ZNF248: variants seen among roughly 807,000 people sequenced by gnomAD.
ZNF248 encodes the protein KRAB protein domain.
In ZNF248, 20 loss-of-function variants were observed where a neutral mutation model predicts 44.3. That is an observed-to-expected ratio of 0.45 (90% confidence interval 0.32 to 0.66). The LOEUF (loss-of-function observed/expected upper bound fraction) is 0.66, where lower values mean the gene tolerates loss of function less well. Among genes scored for constraint, ZNF248 ranks in the 30% least tolerant of loss-of-function variants. ZNF248 has a pLI of 0.04. For missense variants in ZNF248, 654 were observed against 677.0 expected (o/e 0.97, Z 0.38); for synonymous variants, 224 against 229.0 (o/e 0.98, Z 0.20).
At chr10:37,783,845 T>A (rs1319747803) in intron 6 of ZNF248, 1 of 152,206 alleles carries the variant, frequency 6.6e-6, no homozygotes, top group Non-Finnish European at 1.5e-5. Flanking sequence ...GACAGAGTTT[T>A]CCTCTTGTTG....
chr10:37,830,070 CTAA>C lies in ZNF248; in HGVS notation c.*1542_*1544del. The C allele has an allele frequency of 1.0e-6, 1 of 985,426 alleles. No homozygotes were observed. The highest frequency in any genetic ancestry group is 1.2e-6 in the Non-Finnish European group (1 of 829,944). The allele number at this position is 985,426 out of a possible 1,614,324, so 61.0% of individuals were successfully genotyped here. A position where few individuals can be genotyped will look rare whatever the true frequency, so the allele number is the denominator to read the frequency against. On this transcript the variant is annotated 3_prime_UTR_variant, in exon 6 of 6. Transcript: ENST00000395867. ...AGGGAGGCAGAGATACTCTAAAATA[CTAA>C]TACGCAGAACTAGTGTTACATAGAC...
At chr10:37,840,173 CAGAG>C (rs1480352098) in intron 3 of ZNF248, among the ~76,000 whole-genome samples, 1 of 152,132 alleles carries the variant, frequency 6.6e-6, no homozygotes, top group South Asian at 2.1e-4. Context: ...CAGTAGTTCA[CAGAG>C]AGAAATTTAT....
chr10:37,856,855 A>G (rs1230978304), intron 1 of ZNF248: 1 of 312,462 alleles, frequency 3.2e-6, no homozygotes, highest in African/African-American at 2.3e-5. Flanking sequence ...GGGAAACTGC[A>G]GACTTGACTT....
At position 37,831,520 on chromosome 10, in the gene ZNF248, AT is replaced by A; in HGVS notation, c.*94del. ...CTTTTACATATTCAAACAAGAAGTC[AT>A]TTTCTACAAATTTCTGACATTCTTT... On this transcript the variant is annotated 3_prime_UTR_variant, in exon 6 of 6. Transcript: ENST00000395867. 1.3e-6 allele frequency: 2 copies of A among 1,494,492 alleles called. No homozygotes were observed. The highest frequency in any genetic ancestry group is 1.8e-6 in the Non-Finnish European group (2 of 1,124,214). 92.6% of individuals were successfully genotyped at this position (1,494,492 alleles called of 1,614,324 possible). A position where few individuals can be genotyped will look rare whatever the true frequency, so the allele number is the denominator to read the frequency against.
chr10:37,764,503 C>T, the ZNF248 span, among the ~76,000 whole-genome samples: 1 of 152,110 alleles, frequency 6.6e-6, no homozygotes, highest in East Asian at 1.9e-4. Context: ...GTGACCCAGA[C>T]CCTACTAGAA....
intron 3 of ZNF248, among the ~76,000 whole-genome samples, chr10:37,853,762 C>A (rs760212953): frequency 1.3e-5 from 2 of 152,004 alleles, no homozygotes; most frequent in Non-Finnish European, 2.9e-5. Flanking sequence ...TGAAAATATC[C>A]TTCAAAATGA....
chr10:37,819,084 C>T, intron 6 of ZNF248: 1 of 793,262 alleles, frequency 1.3e-6, no homozygotes, highest in East Asian at 2.5e-5. Context: ...AGACCAAGCT[C>T]TGTAATTTTT....
intron 6 of ZNF248, among the ~76,000 whole-genome samples, chr10:37,796,477 C>T (rs550556033): frequency 3.3e-5 from 5 of 151,924 alleles, no homozygotes; most frequent in Non-Finnish European, 5.9e-5. Flanking sequence ...CCTCAGCCTC[C>T]GAAAGTGCTG....
chr10:37,770,133 C>T, the ZNF248 span, among the ~76,000 whole-genome samples: 3 of 152,116 alleles, frequency 2.0e-5, no homozygotes, highest in Non-Finnish European at 4.4e-5. Flanking sequence ...AGGATACAAA[C>T]AAATGGAGGA....
intron 6 of ZNF248, among the ~76,000 whole-genome samples, chr10:37,782,405 A>G (rs1385526288): frequency 6.6e-6 from 1 of 152,052 alleles, no homozygotes; most frequent in Non-Finnish European, 1.5e-5. Context: ...TTGGGGGCAT[A>G]TTGGGAAAAG....
At chr10:37,837,487 T>G (rs766585023) in intron 5 of ZNF248, 130 bp downstream of exon 5, 3 of 705,014 alleles carry the variant, frequency 4.3e-6, no homozygotes, top group East Asian at 2.7e-5. Flanking sequence ...CAATTGTTTT[T>G]GATCATTTCC....
chr10:37,778,431 TA>T (rs1404033706), intron 6 of ZNF248, among the ~76,000 whole-genome samples: 3 of 152,100 alleles, frequency 2.0e-5, no homozygotes, highest in African/African-American at 7.2e-5. Flanking sequence ...AGATTCTGGA[TA>T]TTAGCCCTTT....
intron 5 of ZNF248, among the ~76,000 whole-genome samples, chr10:37,835,112 T>C (rs1411286699): frequency 1.3e-5 from 2 of 151,712 alleles, no homozygotes; most frequent in Non-Finnish European, 2.9e-5. Context: ...GGAAGATAAA[T>C]TGAATAATTT....
chr10:37,819,258 AG>A, intron 6 of ZNF248: 1 of 880,424 alleles, frequency 1.1e-6, no homozygotes, highest in Admixed American at 1.7e-5. Context: ...CGTTTCAGAT[AG>A]AAGTTTAGAT....
At chr10:37,800,642 G>A (rs1015010488) in intron 6 of ZNF248, among the ~76,000 whole-genome samples, 7 of 152,210 alleles carry the variant, frequency 4.6e-5, no homozygotes, top group South Asian at 2.1e-4. Flanking sequence ...CCCACTAATG[G>A]GGTTGCTAGG....
rs2055507833 is a variant in ZNF248 at position 37,831,135 on chromosome 10, A to C, written c.*480T>G. On this transcript the variant is annotated 3_prime_UTR_variant, in exon 6 of 6. Transcript: ENST00000395867. ...AGAAAATATTAACAAATACCATAGT[A>C]GTTACTCAATTAAGGGTACGTATCT... 1.6e-5 allele frequency: 24 copies of C among 1,459,226 alleles called. No homozygotes were observed. Among genetic ancestry groups the C allele is most frequent in the Non-Finnish European group, 2.2e-5 (24 of 1,104,254 alleles). The allele number at this position is 1,459,226 out of a possible 1,614,324, so 90.4% of individuals were successfully genotyped here. A position where few individuals can be genotyped will look rare whatever the true frequency, so the allele number is the denominator to read the frequency against.
chr10:37,818,647 T>TA (rs1177954252), intron 6 of ZNF248: 70 of 505,886 alleles, frequency 1.4e-4, no homozygotes, highest in Admixed American at 8.4e-4. Context: ...GTTGATGCAA[T>TA]AGCAGCCCCA....
chr10:37,821,010 C>A (rs2053377382), intron 6 of ZNF248: 2 of 1,379,122 alleles, frequency 1.5e-6, no homozygotes, highest in Non-Finnish European at 2.0e-6. Context: ...TCTCCCGAGA[C>A]TAAAGGTGCT....
chr10:37,847,260 CTGGAG>C (rs2059480827), intron 3 of ZNF248, among the ~76,000 whole-genome samples: 1 of 152,076 alleles, frequency 6.6e-6, no homozygotes, highest in Non-Finnish European at 1.5e-5. Context: ...GTCACCCAGG[CTGGAG>C]TACAGTGGCT....
Sources: allele counts gnomAD v4.1 joint callset (sites outside exome capture counted in the v4.1 genomes callset), GRCh38; gene constraint gnomAD v4.1.1; transcripts MANE v1.5; gene names NCBI Gene and HGNC (gene_info 2026-07-23, HGNC 2026-07-21).